Variants in ANKLE1 observed in about 807,000 individuals in gnomAD.
ANKLE1 encodes ankyrin repeat and LEM domain containing 1.
ANKLE1 carries 59 observed loss-of-function variants against 56.2 expected under a neutral mutation model. The observed-to-expected ratio is 1.05, with a 90% CI of 0.85 to 1.30. The LOEUF (loss-of-function observed/expected upper bound fraction) is 1.30, where lower values mean the gene tolerates loss of function less well. Ranked by LOEUF, ANKLE1 falls within the 50% of genes most tolerant of loss-of-function variation. The pLI is 0.00. For missense variants in ANKLE1, 771 were observed against 816.1 expected, an observed-to-expected ratio of 0.94 and a Z score of 0.67; for synonymous variants, 341 against 352.9, an observed-to-expected ratio of 0.97 and a Z score of 0.38.
rs756998882 is a variant in ANKLE1 at position 17,286,673 on chromosome 19, TGTGTGTGTG to T, written c.*122_*130del. 3.9e-6 allele frequency: 5 copies of T among 1,277,136 alleles called. No individual in the cohort carries two copies. The highest frequency in any genetic ancestry group is 4.2e-6 in the Non-Finnish European group (4 of 954,424). 79.1% of individuals were successfully genotyped at this position (1,277,136 alleles called of 1,614,324 possible). On this transcript the variant is annotated 3_prime_UTR_variant, in exon 9 of 9. Transcript: ENST00000404085. ...GTGTGTGTGTGTGTGTGTGTGTGTG[TGTGTGTGTG>T]TGTGTGTGTTTGTGTGTGTGTGTGT...
In ANKLE1 at chr19:17,286,579, G is replaced by A. The variant is rs1373949247; in HGVS notation, c.*27G>A. The A allele has an allele frequency of 6.3e-7, 1 of 1,581,534 alleles. No homozygotes were observed. Among genetic ancestry groups the A allele is most frequent in the Admixed American group, 1.8e-5 (1 of 55,176 alleles). Reference sequence around the variant, plus strand: ...TGCTGGGGAGTTGGCCATCCAGCCTGGGGAGAAATGTTTGAATGTTCCAGC... The same window carrying A: ...TGCTGGGGAGTTGGCCATCCAGCCTAGGGAGAAATGTTTGAATGTTCCAGC... On this transcript the variant is annotated 3_prime_UTR_variant, in exon 9 of 9. Transcript: ENST00000404085.
Position 17,282,124 on chromosome 19 carries a change from G to T in ANKLE1, c.130G>T (p.Val44Leu). 1 of 1,540,908 alleles carries T rather than the reference G, an allele frequency of 6.5e-7. No individual in the cohort carries two copies. Among genetic ancestry groups the T allele is most frequent in the Non-Finnish European group, 8.7e-7 (1 of 1,146,136 alleles). ...NLVLEDGAAA[V>L]HLAAGARHPR... is the part of the protein sequence containing the mutation. ...GGTGCTAGAGGACGGCGCAGCGGCT[G>T]TGCACTTGGCGGCCGGAGCCCGGCA... The change falls in exon 2 of 9, where the codon GTG (valine) becomes TTG (leucine). Residue 44 changes from valine (V) to leucine (L), a missense_variant. By Grantham distance (32) the Val-to-Leu change is conservative. Transcript: ENST00000404085.
Position 17,283,402 on chromosome 19 carries a change from G to A in ANKLE1, c.638G>A (p.Trp213Ter). ...HGSSASPPGH[W>*]DYSSDASFVT... ...AGCTCGGCGTCCCCTCCAGGGCACT[G>A]GGATTACAGCTCAGACGCCTCTTTC... The change falls in exon 5 of 9, where the codon TGG becomes TAG. Residue 213 changes from tryptophan (W) to a stop codon, truncating the protein, a stop_gained. Coordinates refer to ENST00000404085, the MANE Select transcript of ANKLE1 (RefSeq NM_152363.6). LOFTEE classifies it high-confidence loss of function. 1.2e-6 allele frequency: 2 copies of A among 1,613,702 alleles called. No homozygotes were observed. The highest frequency in any genetic ancestry group is 1.7e-6 in the Non-Finnish European group (2 of 1,179,882).
intron 7 of ANKLE1, 40 bp downstream of exon 7, chr19:17,285,630 G>A (rs767460796): frequency 5.0e-6 from 8 of 1,613,916 alleles, no homozygotes; most frequent in South Asian, 1.1e-5. Context: ...GGGCAGTCGG[G>A]CCATGGGCAG....
intron 6 of ANKLE1, 118 bp downstream of exon 6, chr19:17,284,384 T>C (rs770597113): frequency 6.6e-6 from 2 of 304,436 alleles, no homozygotes; most frequent in Admixed American, 1.6e-4. Flanking sequence ...CTTCTTCTTC[T>C]TTTTTTTTAT....
intron 4 of ANKLE1, 92 bp downstream of exon 4, chr19:17,283,094 G>C: frequency 6.5e-7 from 1 of 1,536,208 alleles, no homozygotes; most frequent in Admixed American, 2.0e-5. Context: ...GGTTCTGACC[G>C]TCTCACATCC....
In ANKLE1 at chr19:17,282,783, A is replaced by T; in HGVS notation, c.321+22A>T. 3 of 1,561,916 alleles carry T rather than the reference A, an allele frequency of 1.9e-6. No individual in the cohort carries two copies. The East Asian group carries it at 7.0e-5, about 36-fold the overall frequency. ...CCAGGTTGGGAGGCACTGCGCGGGCAAAGAAAGGCTGGGTGAGCCCAGAGG... is the reference window on the plus strand; with the variant it reads ...CCAGGTTGGGAGGCACTGCGCGGGCTAAGAAAGGCTGGGTGAGCCCAGAGG... On this transcript the variant is annotated intron_variant, in intron 3 of 8. Transcript: ENST00000404085.
rs1364189645 is a variant in ANKLE1 at position 17,282,000 on chromosome 19, G to T, written c.62+18G>T. On this transcript the variant is annotated intron_variant, in intron 1 of 8. Coordinates refer to ENST00000404085, the MANE Select transcript of ANKLE1 (RefSeq NM_152363.6). ...GAGCCGTGGTGAGGGCGGGGCCGGG[G>T]GCGGGCCAGGAGTGGGGGTCTTTGG... 2 of 1,534,928 alleles carry T rather than the reference G, an allele frequency of 1.3e-6. No homozygotes were observed. The highest frequency in any genetic ancestry group is 1.7e-6 in the Non-Finnish European group (2 of 1,145,880).
In ANKLE1 at chr19:17,283,460, C is replaced by T; in HGVS notation, c.696C>T (p.Asp232=). The T allele has an allele frequency of 6.2e-7, 1 of 1,613,066 alleles. No individual in the cohort carries two copies. The highest frequency in any genetic ancestry group is 1.1e-5 in the South Asian group (1 of 91,070). Residue 232 remains aspartate (D), a synonymous_variant, in exon 5 of 9, where the codon GAC becomes GAT. Coordinates refer to ENST00000404085, the MANE Select transcript of ANKLE1 (RefSeq NM_152363.6). The stretch of plus-strand genomic sequence containing the variant: ...CGGTTGAGGTCTCTGGAGCTGAGGA[C>T]CCAGCCTCGGACACTCCCCCCTGGG... ...VTAVEVSGAE[D]PASDTPPWAG...
intron 4 of ANKLE1, 105 bp from the exon 5 acceptor site, chr19:17,283,120 C>G (rs1451208328): frequency 1.3e-6 from 2 of 1,541,612 alleles, no homozygotes; most frequent in African/African-American, 2.7e-5. Context: ...TTGTGGCCAG[C>G]TCTTTCGGCC....
intron 4 of ANKLE1, 40 bp from the exon 5 acceptor site, chr19:17,283,185 C>T (rs941453133): frequency 2.5e-6 from 4 of 1,577,676 alleles, no homozygotes; most frequent in African/African-American, 2.7e-5. Context: ...GCTGTCTCAT[C>T]CCTCCTCCTC....
In ANKLE1 at chr19:17,286,646, G is replaced by T. The variant is rs768737587; in HGVS notation, c.*94G>T. 18 of 1,505,594 alleles carry T rather than the reference G, an allele frequency of 1.2e-5. No individual in the cohort carries two copies. In the East Asian group the frequency reaches 4.6e-4, roughly 38 times the overall value. The allele number at this position is 1,505,594 out of a possible 1,614,324, so 93.3% of individuals were successfully genotyped here. A position where few individuals can be genotyped will look rare whatever the true frequency, so the allele number is the denominator to read the frequency against. Reference sequence around the variant, plus strand: ...CAGCCCCCATCTCTGGTTTCAGAAGGGGTGTGTGTGTGTGTGTGTGTGTGT... The same window carrying T: ...CAGCCCCCATCTCTGGTTTCAGAAGTGGTGTGTGTGTGTGTGTGTGTGTGT... On this transcript the variant is annotated 3_prime_UTR_variant, in exon 9 of 9. Coordinates refer to ENST00000404085, the MANE Select transcript of ANKLE1 (RefSeq NM_152363.6).
At chr19:17,285,622 G>A (rs2074023010) in intron 7 of ANKLE1, 32 bp downstream of exon 7, 1 of 1,613,786 alleles carries the variant, frequency 6.2e-7, no homozygotes, top group African/African-American at 1.3e-5. Flanking sequence ...TTCAGCGAGG[G>A]CAGTCGGGCC....
intron 2 of ANKLE1, 86 bp downstream of exon 2, chr19:17,282,295 G>GA: frequency 7.8e-7 from 1 of 1,280,936 alleles, no homozygotes; most frequent in Non-Finnish European, 9.7e-7. Context: ...TCCCGGGCCA[G>GA]GCCTCGGGGC....
intron 2 of ANKLE1, 135 bp downstream of exon 2, chr19:17,282,344 G>C (rs2073982609): frequency 7.7e-7 from 1 of 1,295,070 alleles, no homozygotes; most frequent in Non-Finnish European, 1.0e-6. Context: ...GAGGGAACTT[G>C]GGGGTCCAAG....
chr19:17,286,520 C>T lies in ANKLE1; in HGVS notation c.1816C>T (p.Leu606Phe), dbSNP rs139622055. 2.5e-6 allele frequency: 4 copies of T among 1,610,748 alleles called. No homozygotes were observed. The African/African-American group carries it at 5.3e-5, about 22-fold the overall frequency. The change falls in exon 9 of 9, where the codon CTT (leucine) becomes TTT (phenylalanine). Residue 606 changes from leucine to phenylalanine, a missense_variant. Coordinates refer to ENST00000404085, the MANE Select transcript of ANKLE1 (RefSeq NM_152363.6). Reference protein sequence around the residue: ...LVFLAEGERQLHPQDIQARG With the variant: ...LVFLAEGERQFHPQDIQARG ...CTTCCTGGCTGAAGGCGAGCGACAG[C>T]TTCATCCCCAGGACATCCAGGCCCG...
chr19:17,285,952 T>C (rs891018), intron 8 of ANKLE1, 133 bp downstream of exon 8: 944,797 of 1,220,420 alleles, frequency 0.77, 373,622 homozygotes, highest in African/African-American at 0.81. Flanking sequence ...AACCTGCACA[T>C]GCATGTATTT....
At position 17,284,234 on chromosome 19, in the gene ANKLE1, G is replaced by T; in HGVS notation, c.1344G>T (p.Lys448Asn). ...PARRWREGVV[K>N]SSFTYLLLDP... ...GGAGGTGGCGGGAGGGGGTCGTGAA[G>T]TCTAGCTTCACCTATCTGCTGCTGG... is the stretch of plus-strand genomic sequence containing the variant. Residue 448 changes from lysine to asparagine, a missense_variant, in exon 6 of 9, where the codon AAG becomes AAT. Physicochemically the swap from Lys to Asn is moderately conservative, Grantham distance 94 (BLOSUM62 0). Coordinates refer to ENST00000404085, the MANE Select transcript of ANKLE1 (RefSeq NM_152363.6). 1 of 1,613,846 alleles carries T rather than the reference G, an allele frequency of 6.2e-7. No homozygotes were observed. Among genetic ancestry groups the T allele is most frequent in the Non-Finnish European group, 8.5e-7 (1 of 1,179,880 alleles).
chr19:17,284,133 C>A lies in ANKLE1; in HGVS notation c.1243C>A (p.Arg415=), dbSNP rs151076335. The A allele has an allele frequency of 1.2e-6, 2 of 1,613,922 alleles. No individual in the cohort carries two copies. Among genetic ancestry groups the A allele is most frequent in the East Asian group, 2.2e-5 (1 of 44,878 alleles). ...GHSLELAAAL[R]TGCIPDVQAD... is the part of the protein sequence containing the mutation. ...CAGCCTAGAACTGGCTGCAGCCCTGCGGACGGGCTGTATTCCAGATGTCCA... is the reference window on the plus strand; with the variant it reads ...CAGCCTAGAACTGGCTGCAGCCCTGAGGACGGGCTGTATTCCAGATGTCCA... The change falls in exon 6 of 9, where the codon CGG becomes AGG. Residue 415 remains arginine, a synonymous_variant. Transcript: ENST00000404085.
Sources: gnomAD v4.1 joint callset for allele counts on GRCh38, gnomAD v4.1.1 for gene constraint, MANE v1.5 for transcripts, NCBI Gene and HGNC (gene_info 2026-07-23, HGNC 2026-07-21) for gene names.